SEMA5B: variants seen among roughly 807,000 people sequenced by gnomAD.
SEMA5B encodes the protein semaphorin-5B.
Under a neutral mutation model 135.0 loss-of-function variants are expected in SEMA5B, and 66 were observed. That is an observed-to-expected ratio of 0.49 (90% CI 0.40 to 0.60). SEMA5B has a LOEUF of 0.60. SEMA5B is among the 20% of genes least tolerant of loss of function. The pLI, the probability that SEMA5B is intolerant of heterozygous loss-of-function variation, is 0.00. For missense variants in SEMA5B, 1,501 were observed against 1,566.3 expected (o/e 0.96, Z 0.70); for synonymous variants, 690 against 639.5 (o/e 1.08, Z -1.19).
intron 1 of SEMA5B, chr3:122,975,035 T>C (rs1352025628): frequency 6.6e-6 from 1 of 152,108 alleles, no homozygotes; most frequent in Non-Finnish European, 1.5e-5. Flanking sequence ...CCTGGAAGTG[T>C]CCTCTGCTCA....
chr3:123,017,358 GA>G (rs1387687635), intron 1 of SEMA5B, among the ~76,000 whole-genome samples: 1 of 150,910 alleles, frequency 6.6e-6, no homozygotes, highest in Non-Finnish European at 1.5e-5. Context: ...AAAAAGAAAA[GA>G]ATGCTCAGAA....
chr3:122,921,093 C>G (rs143600997), intron 12 of SEMA5B, among the ~76,000 whole-genome samples: 2 of 152,140 alleles, frequency 1.3e-5, no homozygotes, highest in Non-Finnish European at 2.9e-5. Flanking sequence ...AAGAACAGCC[C>G]TGTATCATGG....
chr3:123,019,680 T>C (rs1188657316), intron 1 of SEMA5B, among the ~76,000 whole-genome samples: 2 of 152,250 alleles, frequency 1.3e-5, no homozygotes, highest in Middle Eastern at 3.2e-3. Context: ...CAGGCCGTTG[T>C]ATAGTAACAA....
chr3:123,019,414 C>G (rs1942629004), intron 1 of SEMA5B, among the ~76,000 whole-genome samples: 1 of 152,046 alleles, frequency 6.6e-6, no homozygotes, highest in Non-Finnish European at 1.5e-5. Flanking sequence ...TGGGTAGAAA[C>G]CCCGTCTCTA....
At chr3:122,975,946 A>G in intron 1 of SEMA5B, 3 of 1,523,002 alleles carry the variant, frequency 2.0e-6, no homozygotes, top group Middle Eastern at 1.7e-4. Context: ...CCTCCATCCA[A>G]CCTCCTCAAC....
chr3:122,915,703 A>C, intron 13 of SEMA5B, 70 bp downstream of exon 13: 3 of 1,601,738 alleles, frequency 1.9e-6, no homozygotes, highest in Admixed American at 1.7e-5. Flanking sequence ...GATTGGGGGA[A>C]TATTGGTGGG....
chr3:123,027,895 C>G (rs985732354), upstream of SEMA5B: 1 of 152,082 alleles, frequency 6.6e-6, no homozygotes, highest in Non-Finnish European at 1.5e-5. Flanking sequence ...GGCGCTGCAC[C>G]CGCCAGCCTC....
chr3:123,023,629 C>G (rs1942738826), intron 1 of SEMA5B, among the ~76,000 whole-genome samples: 2 of 152,146 alleles, frequency 1.3e-5, no homozygotes, highest in African/African-American at 4.8e-5. Flanking sequence ...GGGATCCTAG[C>G]CCTCTCACCC....
chr3:122,956,662 C>T (rs965942876), intron 2 of SEMA5B, among the ~76,000 whole-genome samples: 4 of 152,110 alleles, frequency 2.6e-5, no homozygotes, highest in Admixed American at 6.5e-5. Context: ...CCTGCACAAC[C>T]GAACCCTCCC....
intron 2 of SEMA5B, among the ~76,000 whole-genome samples, chr3:122,960,325 C>T (rs934789533): frequency 3.9e-5 from 6 of 152,194 alleles, no homozygotes; most frequent in African/African-American, 1.4e-4. Flanking sequence ...TGTGAATGAA[C>T]TTAATGCCAC....
intron 3 of SEMA5B, 85 bp from the exon 4 acceptor site, chr3:122,943,620 G>A (rs2107531203): frequency 9.9e-7 from 1 of 1,014,666 alleles, no homozygotes; most frequent in East Asian, 2.5e-5. Context: ...ACAGAAGGGT[G>A]AAAGTCAGGG....
intron 1 of SEMA5B, among the ~76,000 whole-genome samples, chr3:123,011,191 A>T (rs1269937503): frequency 1.3e-5 from 2 of 152,206 alleles, no homozygotes; most frequent in African/African-American, 4.8e-5. Context: ...GAATGGACAG[A>T]GTGTGTCTTG....
Position 122,957,727 on chromosome 3 carries a change from G to A in SEMA5B, c.124+3413C>T, listed in dbSNP as rs558395266. Among the ~76,000 whole-genome samples, 3 of 152,288 alleles carry A rather than the reference G, an allele frequency of 2.0e-5. No homozygotes were observed. The South Asian group carries it at 6.2e-4, about 32-fold the overall frequency. On this transcript the variant is annotated intron_variant, in intron 2 of 22. Transcript: ENST00000357599. ...ACATAAGCATCATTCTAGAAGCTGA[G>A]GCACTTGCCCAAGGTCCCCCTGCCA... is the stretch of plus-strand genomic sequence containing the variant.
At chr3:122,913,085 G>T in intron 17 of SEMA5B, 24 bp from the exon 18 acceptor site, 1 of 1,427,312 alleles carries the variant, frequency 7.0e-7, no homozygotes, top group South Asian at 1.5e-5. Context: ...AGGCCTCAGC[G>T]ACTGGGCGCC....
At chr3:123,025,006 G>A (rs1444681386) in intron 1 of SEMA5B, among the ~76,000 whole-genome samples, 1 of 152,170 alleles carries the variant, frequency 6.6e-6, no homozygotes, top group East Asian at 1.9e-4. Context: ...CCAGCTTTGA[G>A]TCTCAATAAG....
intron 5 of SEMA5B, 100 bp downstream of exon 5, chr3:122,939,325 C>T: frequency 1.0e-6 from 1 of 959,608 alleles, no homozygotes; most frequent in South Asian, 1.3e-5. Context: ...CTGTTTTCAA[C>T]TTTAGGGGCT....
At chr3:122,931,012 C>T (rs938034694) in intron 5 of SEMA5B, among the ~76,000 whole-genome samples, 1 of 144,458 alleles carries the variant, frequency 6.9e-6, no homozygotes, top group Non-Finnish European at 1.6e-5. Flanking sequence ...GAGAACAGCA[C>T]AGAATGGCTT....
chr3:122,950,296 A>G (rs1307774517), intron 2 of SEMA5B, among the ~76,000 whole-genome samples: 1 of 152,236 alleles, frequency 6.6e-6, no homozygotes, highest in Non-Finnish European at 1.5e-5. Flanking sequence ...AGCAGTGGGG[A>G]GAGGGCCACT....
intron 14 of SEMA5B, among the ~76,000 whole-genome samples, chr3:122,914,653 G>T (rs1282291752): frequency 6.6e-6 from 1 of 152,152 alleles, no homozygotes; most frequent in Non-Finnish European, 1.5e-5. Context: ...AGTGTCCAAG[G>T]CTGGGTGTGG....
Sources: gnomAD v4.1 joint callset for allele counts (sites outside exome capture counted in the v4.1 genomes callset) on GRCh38, gnomAD v4.1.1 for gene constraint, MANE v1.5 for transcripts, NCBI Gene and HGNC (gene_info 2026-07-23, HGNC 2026-07-21) for gene names.